Variants in GCFC2 observed in about 807,000 individuals in gnomAD.
GCFC2 encodes GC-rich sequence DNA-binding factor 2.
A neutral mutation model predicts 99.4 loss-of-function variants in GCFC2; 102 were observed. That is an observed-to-expected ratio of 1.03 (90% confidence interval 0.87 to 1.21). The LOEUF (loss-of-function observed/expected upper bound fraction) is 1.21, where lower values mean the gene tolerates loss of function less well. Among genes scored for constraint, GCFC2 ranks in the 50% most tolerant of loss-of-function variants. The pLI is 0.00. For missense variants in GCFC2, 973 were observed against 920.9 expected (o/e 1.06, Z -0.73); for synonymous variants, 338 against 316.8 (o/e 1.07, Z -0.71).
At position 75,674,994 on chromosome 2, in the gene GCFC2, G is replaced by C. The variant is rs547444443; in HGVS notation, c.1813-1474C>G. 7.2e-5 allele frequency among the ~76,000 whole-genome samples: 11 copies of C among 152,236 alleles called. No homozygotes were observed. The South Asian group carries it at 2.3e-3, about 32-fold the overall frequency. On this transcript the variant is annotated intron_variant, in intron 12 of 16. Transcript: ENST00000321027. ...CATCTGAGTTTATGTAACTTACTGA[G>C]TTAGGTGTTCATGATACAAAAAAAG... is the stretch of plus-strand genomic sequence containing the variant.
At chr2:75,690,777 G>T in intron 7 of GCFC2, 58 bp from the exon 8 acceptor site, 1 of 834,440 alleles carries the variant, frequency 1.2e-6, no homozygotes, top group Non-Finnish European at 2.0e-6. Flanking sequence ...AAAGTAAAAT[G>T]CTTTGAAAAT....
chr2:75,709,876 G>C (rs1681058213), intron 1 of GCFC2, among the ~76,000 whole-genome samples: 1 of 152,116 alleles, frequency 6.6e-6, no homozygotes, highest in South Asian at 2.1e-4. Context: ...GAAGATTTTA[G>C]CTCTCAAGAC....
chr2:75,708,476 T>C (rs1036419567), intron 1 of GCFC2, among the ~76,000 whole-genome samples: 4 of 150,362 alleles, frequency 2.7e-5, no homozygotes, highest in Non-Finnish European at 5.9e-5. Context: ...AATTTAATCA[T>C]ATGGTTTAAG....
chr2:75,711,178 C>G (rs990691794), upstream of GCFC2: 5 of 985,196 alleles, frequency 5.1e-6, no homozygotes, highest in African/African-American at 7.0e-5. Flanking sequence ...TGTCCTTGTG[C>G]AAACCCCATC....
upstream of GCFC2, among the ~76,000 whole-genome samples, chr2:75,712,228 T>C (rs1007503115): frequency 4.3e-5 from 5 of 116,218 alleles, no homozygotes; most frequent in Non-Finnish European, 2.2e-5. Context: ...AGAACCTTTA[T>C]GTCTAGCTCA....
At chr2:75,712,810 C>T (rs1380442936), upstream of GCFC2, among the ~76,000 whole-genome samples, 2 of 152,162 alleles carry the variant, frequency 1.3e-5, no homozygotes, top group South Asian at 2.1e-4. Flanking sequence ...AGCTGTAACG[C>T]TCACCGCGAG....
upstream of GCFC2, chr2:75,710,964 G>C (rs1355721705): frequency 3.7e-6 from 5 of 1,367,630 alleles, no homozygotes; most frequent in Admixed American, 2.0e-4. Flanking sequence ...CCGAGTGCGC[G>C]CGCCCGTCCC....
chr2:75,685,172 C>T (rs1228814008), intron 11 of GCFC2, among the ~76,000 whole-genome samples: 2 of 152,242 alleles, frequency 1.3e-5, no homozygotes, highest in South Asian at 2.1e-4. Context: ...CAAACCTGCA[C>T]GTTCTGCACA....
rs1311225094 is a variant in GCFC2, at chr2:75,710,805, G to T, written c.51C>A (p.Ser17Arg). Residue 17 changes from serine (S) to arginine (R), a missense_variant, in exon 1 of 17, where the codon AGC becomes AGA. By Grantham distance (110) the Ser-to-Arg change is moderately radical. Transcript: ENST00000321027. ...GCGACTCCTCGGCGCCATCGCTGTC[G>T]CTGGAATCAGCCGCGCGCTGCCGAA... ...RTFRQRAADS[S>R]DSDGAEESPA... The T allele has an allele frequency of 1.3e-6, 2 of 1,578,288 alleles. No individual in the cohort carries two copies. Among genetic ancestry groups the T allele is most frequent in the African/African-American group, 2.8e-5 (2 of 71,534 alleles).
intron 2 of GCFC2, 104 bp from the exon 3 acceptor site, chr2:75,702,527 G>C (rs1680655170): frequency 3.4e-6 from 3 of 880,864 alleles, no homozygotes; most frequent in East Asian, 2.7e-5. Context: ...TAAATTATTT[G>C]CTATTTTGAT....
upstream of GCFC2, among the ~76,000 whole-genome samples, chr2:75,713,116 T>G (rs1011983408): frequency 3.3e-5 from 5 of 152,194 alleles, no homozygotes; most frequent in African/African-American, 1.2e-4. Context: ...AAACTGAAAC[T>G]CCTTGATGTA....
In GCFC2 at chr2:75,687,309, A is replaced by T. The variant is rs1679865597; in HGVS notation, c.1690+518T>A. ...AAGGGGAAAAAAGGACACATGTAGT[A>T]TGGATGGAAGTGTGCTAAAAAATGA... On this transcript the variant is annotated intron_variant, in intron 11 of 16. Coordinates refer to ENST00000321027, the MANE Select transcript of GCFC2 (RefSeq NM_003203.5). Among the ~76,000 whole-genome samples, 6 of 152,198 alleles carry T rather than the reference A, an allele frequency of 3.9e-5. No homozygotes were observed. The South Asian group carries it at 1.2e-3, about 32-fold the overall frequency.
chr2:75,669,870 G>A (rs1679011111), intron 15 of GCFC2: 1 of 193,480 alleles, frequency 5.2e-6, no homozygotes, highest in Non-Finnish European at 1.1e-5. Context: ...GATTACAGGT[G>A]TTAGCCACCG....
chr2:75,666,112 T>C, intron 15 of GCFC2, 59 bp from the exon 16 acceptor site: 1 of 1,337,632 alleles, frequency 7.5e-7, no homozygotes, highest in African/African-American at 1.5e-5. Flanking sequence ...ATCTTGCTAA[T>C]ATAATCTCAT....
At chr2:75,669,543 A>T (rs1678994149) in intron 15 of GCFC2, among the ~76,000 whole-genome samples, 1 of 152,134 alleles carries the variant, frequency 6.6e-6, no homozygotes, top group Admixed American at 6.5e-5. Flanking sequence ...TACATTTTTT[A>T]AAATTTTACC....
rs77440343 is a variant in GCFC2, at chr2:75,667,915, T to C, written c.2104-1862A>G. On this transcript the variant is annotated intron_variant, in intron 15 of 16. Coordinates refer to ENST00000321027, the MANE Select transcript of GCFC2 (RefSeq NM_003203.5). ...GCTTAAAACTATGATATAAAAACTA[T>C]AGCCAGAACAATCATGGTTGGCTAC... Among the ~76,000 whole-genome samples, 1,302 of 152,206 alleles carry C rather than the reference T, an allele frequency of 8.6e-3. 12 individuals carry two copies. The highest frequency in any genetic ancestry group is 0.025 in the South Asian group (123 of 4,824).
At chr2:75,686,956 C>T (rs543722192) in intron 11 of GCFC2, among the ~76,000 whole-genome samples, 2 of 147,666 alleles carry the variant, frequency 1.4e-5, no homozygotes, top group East Asian at 2.0e-4. Context: ...TTTTTTGAGA[C>T]GGAGTTTCAC....
chr2:75,707,562 T>TA (rs35217863), intron 1 of GCFC2, among the ~76,000 whole-genome samples: 60,831 of 151,586 alleles, frequency 0.4, 12,190 homozygotes, highest in South Asian at 0.41. Flanking sequence ...TTTAAAACAC[T>TA]AAAAAAAATA....
chr2:75,692,143 TG>T, intron 6 of GCFC2, 43 bp from the exon 7 acceptor site: 1 of 644,232 alleles, frequency 1.6e-6, no homozygotes, highest in Non-Finnish European at 2.2e-6. Context: ...TCATCGATAA[TG>T]AAATATATAT....
Sources: allele counts gnomAD v4.1 joint callset (sites outside exome capture counted in the v4.1 genomes callset), GRCh38; gene constraint gnomAD v4.1.1; transcripts MANE v1.5; gene names NCBI Gene and HGNC (gene_info 2026-07-23, HGNC 2026-07-21).